RYR1: variants seen among roughly 807,000 people sequenced by gnomAD.
The protein encoded by RYR1 is central core disease of muscle.
A neutral mutation model predicts 583.5 loss-of-function variants in RYR1; 342 were observed. That is an observed-to-expected ratio of 0.59 (90% CI 0.54 to 0.64). The LOEUF is 0.64. Among genes scored for constraint, RYR1 ranks in the 30% least tolerant of loss-of-function variants. The pLI, the probability that RYR1 is intolerant of heterozygous loss-of-function variation, is 0.00. For missense variants in RYR1, 6,032 were observed against 6,917.2 expected, an observed-to-expected ratio of 0.87 and a Z score of 4.54; for synonymous variants, 2,791 against 2,822.5, an observed-to-expected ratio of 0.99 and a Z score of 0.35.
At chr19:38,443,848 C>A in intron 5 of RYR1, 52 bp downstream of exon 5, 2 of 1,548,342 alleles carry the variant, frequency 1.3e-6, no homozygotes, top group African/African-American at 1.4e-5. Flanking sequence ...AGCAGGGATT[C>A]AGGGGGTAGA....
At chr19:38,457,655 A>G (rs1237901999) in intron 17 of RYR1, 25 bp downstream of exon 17, 1 of 1,611,780 alleles carries the variant, frequency 6.2e-7, no homozygotes, top group Non-Finnish European at 8.5e-7. Flanking sequence ...ATCTGACCCC[A>G]GAACTCAGAA....
intron 52 of RYR1, 24 bp downstream of exon 52, chr19:38,505,105 C>G (rs973468131): frequency 3.7e-6 from 6 of 1,605,922 alleles, no homozygotes; most frequent in Non-Finnish European, 5.1e-6. Context: ...TCCTCCTATC[C>G]AAGAAACCCT....
At position 38,483,339 on chromosome 19, in the gene RYR1, C is replaced by T. The variant is rs752060627; in HGVS notation, c.4757C>T (p.Pro1586Leu). ...AAMFQSERKN[P>L]APQCPPRLEM... ...ATGTTCCAAAGCGAGCGCAAGAACC[C>T]GGCCCCGCAGTGCCCACCGCGGCTG... Residue 1586 changes from proline to leucine, a missense_variant, in exon 33 of 106, where the codon CCG becomes CTG. Physicochemically the swap from Pro to Leu is moderately conservative, Grantham distance 98. Coordinates refer to ENST00000359596, the MANE Select transcript of RYR1 (RefSeq NM_000540.3). This position sits in a 1 kb window ranked among gnomAD's most constrained non-coding sequence, Gnocchi z 6.3. 24 of 1,560,250 alleles carry T rather than the reference C, an allele frequency of 1.5e-5. No homozygotes were observed. Among genetic ancestry groups the T allele is most frequent in the African/African-American group, 1.1e-4 (8 of 73,768 alleles).
Position 38,455,747 on chromosome 19 carries a change from A to G in RYR1, c.1787A>G (p.His596Arg). Residue 596 changes from histidine (H) to arginine (R), a missense_variant, in exon 16 of 106, where the codon CAC (histidine) becomes CGC (arginine). His to Arg is a conservative substitution (Grantham distance 29). Transcript: ENST00000359596. ...CTCCTGGACAAGCATGGGAGGAACC[A>G]CAAGGTCGGCCCCTCACCCCTGACC... Reference protein sequence around the residue: ...ISLLDKHGRNHKVLDVLCSLC... With the variant: ...ISLLDKHGRNRKVLDVLCSLC... The G allele has an allele frequency of 1.3e-6, 2 of 1,597,514 alleles. No homozygotes were observed. Among genetic ancestry groups the G allele is most frequent in the East Asian group, 2.2e-5 (1 of 44,792 alleles).
rs900598015 is a variant in RYR1 at position 38,494,503 on chromosome 19, C to T, written c.6426C>T (p.Tyr2142=). The T allele has an allele frequency of 4.3e-6, 7 of 1,613,678 alleles. No individual in the cohort carries two copies. In the South Asian group the frequency reaches 7.7e-5, roughly 18 times the overall value. ...TGCTGCGTGCCCTGCCGCGGGCGTA[C>T]ACCATCTCACCGTCCTCCGTGGAAG... ...GELLRALPRA[Y]TISPSSVEDT... The change falls in exon 39 of 106, where the codon TAC becomes TAT. Residue 2142 remains tyrosine (Y), a synonymous_variant. Transcript: ENST00000359596.
In RYR1 at chr19:38,586,562, G is replaced by C. The variant is rs1383154771; in HGVS notation, c.15007G>C (p.Glu5003Gln). The change falls in exon 105 of 106, where the codon GAA becomes CAA. Residue 5003 changes from glutamate to glutamine, a missense_variant. Glu to Gln is a conservative substitution (Grantham distance 29). Around this residue, in one of 11 missense-constraint regions of RYR1, gnomAD observed 189 missense variants for 350.3 expected, o/e 0.54. Transcript: ENST00000359596. Reference sequence around the variant, plus strand: ...GTATTTGATAAACAAGGATGAGACAGAACACACGGGTCAGGTAAGGGGGTG... The same window carrying C: ...GTATTTGATAAACAAGGATGAGACACAACACACGGGTCAGGTAAGGGGGTG... Reference protein sequence around the residue: ...LMYLINKDETEHTGQESYVWK... With the variant: ...LMYLINKDETQHTGQESYVWK... The C allele has an allele frequency of 1.2e-6, 2 of 1,614,170 alleles. No homozygotes were observed. Among genetic ancestry groups the C allele is most frequent in the South Asian group, 2.2e-5 (2 of 91,082 alleles).
rs747527355 is a variant in RYR1, at chr19:38,567,036, C to T, written c.13514+49C>T. On this transcript the variant is annotated intron_variant, in intron 92 of 105. Transcript: ENST00000359596. ...GCCTAGCCCCTATCACTGCCTCCCTCCTAGAGTAGGAGCCTCCAGAGGTCA... is the reference window on the plus strand; with the variant it reads ...GCCTAGCCCCTATCACTGCCTCCCTTCTAGAGTAGGAGCCTCCAGAGGTCA... 1.4e-5 allele frequency: 22 copies of T among 1,551,448 alleles called. 1 individual carries two copies. Among genetic ancestry groups the T allele is most frequent in the East Asian group, 4.9e-5 (2 of 41,230 alleles).
Position 38,463,300 on chromosome 19 carries a change from G to A in RYR1, c.2578-123G>A, listed in dbSNP as rs987839692. 3.9e-4 allele frequency: 302 copies of A among 766,732 alleles called. 1 individual carries two copies. Among genetic ancestry groups the A allele is most frequent in the Non-Finnish European group, 9.5e-5 (42 of 441,560 alleles). 47.5% of individuals were successfully genotyped at this position (766,732 alleles called of 1,614,324 possible). On this transcript the variant is annotated intron_variant, in intron 20 of 105. Transcript: ENST00000359596. ...GCGAGGGATGGGGAGCAGGGCTGCT[G>A]GATGGTGGGAAAGGGGGTGCTGGAG...
rs545986134 is a variant in RYR1 at position 38,449,915 on chromosome 19, C to T, written c.1122+1102C>T. Among the ~76,000 whole-genome samples, 4 of 152,240 alleles carry T rather than the reference C, an allele frequency of 2.6e-5. No individual in the cohort carries two copies. The East Asian group carries it at 5.8e-4, about 22-fold the overall frequency. On this transcript the variant is annotated intron_variant, in intron 11 of 105. Coordinates refer to ENST00000359596, the MANE Select transcript of RYR1 (RefSeq NM_000540.3). ...TTTGTTTGTTTGTTTTTTGTAGAGA[C>T]GAGGTCTCATTATATTACACAGGCT...
At chr19:38,472,255 C>T (rs1041263602) in intron 27 of RYR1, among the ~76,000 whole-genome samples, 8 of 152,072 alleles carry the variant, frequency 5.3e-5, no homozygotes, top group African/African-American at 1.2e-4. Flanking sequence ...TGTGCCACCA[C>T]GCCTGGCTAA....
chr19:38,487,960 T>C (rs761517489), intron 34 of RYR1, among the ~76,000 whole-genome samples: 14 of 152,162 alleles, frequency 9.2e-5, no homozygotes, highest in Admixed American at 6.5e-5. Context: ...TTATTTTTAA[T>C]TTAATTTTAT....
intron 25 of RYR1, among the ~76,000 whole-genome samples, chr19:38,468,375 A>G (rs1000561158): frequency 6.6e-6 from 1 of 152,060 alleles, no homozygotes; most frequent in Admixed American, 6.6e-5. Context: ...CATCCATCCA[A>G]TAACCATCTG....
chr19:38,456,217 C>T (rs1336489370), intron 16 of RYR1, among the ~76,000 whole-genome samples: 1 of 148,950 alleles, frequency 6.7e-6, no homozygotes, highest in Non-Finnish European at 1.5e-5. Flanking sequence ...CTTCATGATC[C>T]GTCCACCTCA....
At chr19:38,566,080 C>G (rs1231909681) in intron 91 of RYR1, among the ~76,000 whole-genome samples, 1 of 151,288 alleles carries the variant, frequency 6.6e-6, no homozygotes, top group Non-Finnish European at 1.5e-5. Flanking sequence ...GTGCAGGGCC[C>G]GGAGAGGTAG....
chr19:38,480,212 G>A (rs929724564), intron 31 of RYR1, among the ~76,000 whole-genome samples: 3 of 151,818 alleles, frequency 2.0e-5, no homozygotes, highest in African/African-American at 4.8e-5. Context: ...GCGCAATCTC[G>A]ACTCATTGCA....
At chr19:38,478,923 A>G (rs150168718) in intron 31 of RYR1, among the ~76,000 whole-genome samples, 2,291 of 152,178 alleles carry the variant, frequency 0.015, 68 homozygotes, top group African/African-American at 0.052. Flanking sequence ...GAGCACCACA[A>G]CAGCCGGCTA....
chr19:38,448,154 G>A (rs1312854716), intron 9 of RYR1, among the ~76,000 whole-genome samples: 1 of 151,984 alleles, frequency 6.6e-6, no homozygotes, highest in Admixed American at 6.6e-5. Context: ...TGTCCAGGCC[G>A]GGTGCAGTGG....
Position 38,444,373 on chromosome 19 carries a change from C to A in RYR1, c.537+112C>A. 1.0e-6 allele frequency: 1 copy of A among 962,918 alleles called. No homozygotes were observed. Among genetic ancestry groups the A allele is most frequent in the Non-Finnish European group, 1.6e-6 (1 of 610,134 alleles). The allele number at this position is 962,918 out of a possible 1,614,324, so 59.6% of individuals were successfully genotyped here. On this transcript the variant is annotated intron_variant, in intron 6 of 105. Coordinates refer to ENST00000359596, the MANE Select transcript of RYR1 (RefSeq NM_000540.3). The surrounding 1 kb of genome is among the most constrained non-coding windows in gnomAD (Gnocchi z 5.1). ...CTCCCACCCCCAAGGTCCTGACTCC[C>A]AATTTCCCATTTCCTGACCCCTGAC...
At chr19:38,538,399 CA>C (rs928638972) in intron 84 of RYR1, among the ~76,000 whole-genome samples, 5 of 150,900 alleles carry the variant, frequency 3.3e-5, no homozygotes, top group African/African-American at 4.9e-5. Flanking sequence ...AACTCCATCT[CA>C]AAAAAAAACC....
Sources: gnomAD v4.1 joint callset for allele counts (sites outside exome capture counted in the v4.1 genomes callset) on GRCh38, gnomAD v4.1.1 for gene constraint, gnomAD v4.1.1 regional missense constraint, Gnocchi (gnomAD v3.1) non-coding constraint, MANE v1.5 for transcripts, NCBI Gene and HGNC (gene_info 2026-07-23, HGNC 2026-07-21) for gene names.